ZC3H12B: variants seen among roughly 807,000 people sequenced by gnomAD.
ZC3H12B encodes the protein zinc finger CCCH-type containing 12B.
A neutral mutation model predicts 43.9 loss-of-function variants in ZC3H12B; 7 were observed. The observed-to-expected ratio is 0.16, with a 90% confidence interval of 0.09 to 0.30. The LOEUF (loss-of-function observed/expected upper bound fraction) is 0.30, where lower values mean the gene tolerates loss of function less well. Ranked by LOEUF, ZC3H12B falls within the 10% of genes least tolerant of loss-of-function variation. ZC3H12B has a pLI of 1.00. For missense variants in ZC3H12B, 475 were observed against 670.2 expected (o/e 0.71, Z 3.22); for synonymous variants, 222 against 241.7 (o/e 0.92, Z 0.76).
At chrX:65,365,053 C>T (rs912078267), upstream of ZC3H12B, among the ~76,000 whole-genome samples, 1 of 111,281 alleles carries the variant, frequency 9.0e-6, no homozygotes, top group African/African-American at 3.3e-5. Flanking sequence ...CTATACAGTC[C>T]AATAACGGAC....
chrX:65,356,853 G>A, the ZC3H12B span: 4 of 315,606 alleles, frequency 1.3e-5, no homozygotes, highest in East Asian at 3.1e-4. Flanking sequence ...CACATTCCAG[G>A]AGGTCCAGTC....
At chrX:65,466,915 A>AACATATATATAT (rs1320106217) in intron 3 of ZC3H12B, among the ~76,000 whole-genome samples, 1 of 23,932 alleles carries the variant, frequency 4.2e-5, no homozygotes, top group Non-Finnish European at 1.6e-4. Flanking sequence ...TATAAAACCA[A>AACATATATATAT]ATATATATAT....
At chrX:65,448,593 G>A (rs1426899630) in intron 3 of ZC3H12B, among the ~76,000 whole-genome samples, 1 of 111,285 alleles carries the variant, frequency 9.0e-6, no homozygotes, top group Non-Finnish European at 1.9e-5. Flanking sequence ...GACGTGGGTG[G>A]ATCGCCTGAG....
At chrX:65,462,107 C>T (rs867556752) in intron 3 of ZC3H12B, among the ~76,000 whole-genome samples, 27 of 110,958 alleles carry the variant, frequency 2.4e-4, no homozygotes, top group African/African-American at 8.5e-4. Context: ...TCCAATCCAC[C>T]ATAATAAATA....
the ZC3H12B span, among the ~76,000 whole-genome samples, chrX:65,259,325 A>G: frequency 8.9e-6 from 1 of 112,496 alleles, no homozygotes; most frequent in African/African-American, 3.2e-5. Context: ...AAAATTCTCT[A>G]TTCAATAATT....
the ZC3H12B span, among the ~76,000 whole-genome samples, chrX:65,140,152 C>T: frequency 1.8e-5 from 2 of 111,321 alleles, no homozygotes; most frequent in Non-Finnish European, 3.8e-5. Flanking sequence ...TGACAGTAGG[C>T]ATTCTTGTCT....
At chrX:65,476,826 A>G (rs74542421) in intron 3 of ZC3H12B, among the ~76,000 whole-genome samples, 1 of 105,372 alleles carries the variant, frequency 9.5e-6, no homozygotes, top group Admixed American at 1.0e-4. Context: ...GAAACTGCTG[A>G]CTGGAATTTT....
the ZC3H12B span, among the ~76,000 whole-genome samples, chrX:65,073,423 G>A: frequency 3.6e-5 from 4 of 112,168 alleles, no homozygotes; most frequent in African/African-American, 1.3e-4. Flanking sequence ...GGCCCCCAGG[G>A]CACCTGAAGC....
chrX:65,285,807 G>A, the ZC3H12B span, among the ~76,000 whole-genome samples: 9 of 110,826 alleles, frequency 8.1e-5, no homozygotes, highest in African/African-American at 2.6e-4. Context: ...AGAACAAAAA[G>A]GACCCAAATG....
chrX:65,224,718 T>C, the ZC3H12B span, among the ~76,000 whole-genome samples: 112 of 111,864 alleles, frequency 1.0e-3, 1 homozygote, highest in Admixed American at 0.011. Context: ...CACCAGGAGA[T>C]TATATCCCGC....
At chrX:65,103,701 T>C in the ZC3H12B span, among the ~76,000 whole-genome samples, 1 of 111,831 alleles carries the variant, frequency 8.9e-6, no homozygotes, top group African/African-American at 3.2e-5. Flanking sequence ...TATGTTCTTC[T>C]GCCATGGCTT....
chrX:65,300,068 A>G, the ZC3H12B span, among the ~76,000 whole-genome samples: 4 of 112,446 alleles, frequency 3.6e-5, no homozygotes, highest in Non-Finnish European at 7.5e-5. Context: ...TAGGGCTGCC[A>G]ATAGAATTGG....
chrX:65,173,171 C>A, the ZC3H12B span, among the ~76,000 whole-genome samples: 1 of 111,326 alleles, frequency 9.0e-6, no homozygotes, highest in African/African-American at 3.3e-5. Context: ...GTATTTGATT[C>A]TTTTTGTAGC....
chrX:65,167,257 A>G, the ZC3H12B span, among the ~76,000 whole-genome samples: 2 of 112,178 alleles, frequency 1.8e-5, no homozygotes, highest in East Asian at 2.8e-4. Flanking sequence ...AGCTTTCTAC[A>G]TATGGCTAGC....
At chrX:65,454,562 A>C (rs1286771802) in intron 3 of ZC3H12B, among the ~76,000 whole-genome samples, 1 of 112,240 alleles carries the variant, frequency 8.9e-6, no homozygotes, top group Non-Finnish European at 1.9e-5. Context: ...GGCAGGGCAT[A>C]GCCAAATAAA....
At chrX:65,097,787 G>A in the ZC3H12B span, among the ~76,000 whole-genome samples, 7 of 111,071 alleles carry the variant, frequency 6.3e-5, no homozygotes, top group African/African-American at 2.0e-4. Flanking sequence ...TACTTATATG[G>A]GACTTTTTGA....
chrX:65,108,614 G>T, the ZC3H12B span, among the ~76,000 whole-genome samples: 4 of 79,968 alleles, frequency 5.0e-5, no homozygotes, highest in African/African-American at 1.4e-4. Flanking sequence ...TGGAGGACTT[G>T]CCTGAGGCTG....
chrX:65,124,237 T>C, the ZC3H12B span, among the ~76,000 whole-genome samples: 1 of 111,385 alleles, frequency 9.0e-6, no homozygotes, highest in African/African-American at 3.3e-5. Context: ...TTTGTGTCTA[T>C]TGAGATCATT....
Position 65,448,700 on chromosome X carries a change from C to T in ZC3H12B, n.408-39946C>T, listed in dbSNP as rs1408903724. Among the ~76,000 whole-genome samples the T allele has an allele frequency of 2.7e-5, 3 of 109,277 alleles. No homozygotes were observed. In the South Asian group the frequency reaches 1.2e-3, roughly 43 times the overall value. 94.9% of individuals were successfully genotyped at this position (109,277 alleles called of 115,157 possible). ...GACGTGGTGGCACATGCCTGTAAGC[C>T]CAGCTACTCGGGAGGCTGAGGAAGG... is the stretch of plus-strand genomic sequence containing the variant. On this transcript the variant is annotated intron_variant and non_coding_transcript_variant, in intron 3 of 5. Coordinates refer to the ZC3H12B transcript ENST00000617377.
Sources: allele counts gnomAD v4.1 joint callset (sites outside exome capture counted in the v4.1 genomes callset), GRCh38; gene constraint gnomAD v4.1.1; transcripts MANE v1.5; gene names NCBI Gene and HGNC (gene_info 2026-07-23, HGNC 2026-07-21).